Variants in TM4SF19 observed in about 807,000 individuals in gnomAD.
TM4SF19 encodes the protein transmembrane 4 L6 family member 19.
A neutral mutation model predicts 21.8 loss-of-function variants in TM4SF19; 17 were observed. The observed-to-expected ratio is 0.78, with a 90% CI of 0.53 to 1.17. TM4SF19 has a LOEUF of 1.17. Among genes scored for constraint, TM4SF19 ranks in the 50% most tolerant of loss-of-function variants. The pLI, the probability that TM4SF19 is intolerant of heterozygous loss-of-function variation, is 0.00. For missense variants in TM4SF19, 216 were observed against 252.1 expected, an observed-to-expected ratio of 0.86 and a Z score of 0.97; for synonymous variants, 107 against 106.7, an observed-to-expected ratio of 1.00 and a Z score of -0.02.
chr3:196,327,062 G>T (rs2108806634), intron 2 of TM4SF19, 30 bp from the exon 3 acceptor site: 1 of 1,573,942 alleles, frequency 6.4e-7, no homozygotes, highest in Non-Finnish European at 8.7e-7. Context: ...GTTGAGATGG[G>T]GAAATCGACT....
At chr3:196,326,164 G>C (rs555203350) in intron 3 of TM4SF19, among the ~76,000 whole-genome samples, 1 of 151,946 alleles carries the variant, frequency 6.6e-6, no homozygotes, top group African/African-American at 2.4e-5. Flanking sequence ...TGGTAGAGAC[G>C]GGGTTTCACC....
intron 1 of TM4SF19, 71 bp from the exon 2 acceptor site, chr3:196,327,662 A>T (rs1334718955): frequency 3.1e-5 from 41 of 1,329,574 alleles, no homozygotes; most frequent in Non-Finnish European, 4.3e-5. Flanking sequence ...CCAGCAGCAT[A>T]TCATGGGTGA....
At chr3:196,327,120 A>G in intron 2 of TM4SF19, 88 bp from the exon 3 acceptor site, 1 of 1,105,064 alleles carries the variant, frequency 9.0e-7, no homozygotes, top group South Asian at 1.3e-5. Context: ...AGTGGCTGGC[A>G]GCTCACATGA....
At chr3:196,327,232 A>G (rs959179831) in intron 2 of TM4SF19, among the ~76,000 whole-genome samples, 158 bp downstream of exon 2, 4 of 152,204 alleles carry the variant, frequency 2.6e-5, no homozygotes, top group African/African-American at 9.6e-5. Context: ...CCTGGTCCCA[A>G]GCTAGGCTTC....
intron 3 of TM4SF19, among the ~76,000 whole-genome samples, chr3:196,326,271 G>T (rs779532033): frequency 2.2e-4 from 33 of 152,160 alleles, no homozygotes; most frequent in Admixed American, 1.6e-3. Flanking sequence ...CACCGCGCCT[G>T]GCCTATATTT....
At chr3:196,327,861 G>A (rs1256124512) in intron 1 of TM4SF19, among the ~76,000 whole-genome samples, 1 of 152,152 alleles carries the variant, frequency 6.6e-6, no homozygotes, top group East Asian at 1.9e-4. Flanking sequence ...CTCTATTACA[G>A]CCAGTGATTA....
chr3:196,334,459 T>A (rs1036290423), intron 1 of TM4SF19, among the ~76,000 whole-genome samples: 1 of 148,762 alleles, frequency 6.7e-6, no homozygotes, highest in African/African-American at 2.5e-5. Context: ...GATAAATAAT[T>A]TTTTTTTTTC....
rs1294098330 is a variant in TM4SF19 at position 196,325,654 on chromosome 3, TCAGA to T, written c.280-1218_280-1215del. 1.3e-5 allele frequency: 2 copies of T among 152,108 alleles called. No homozygotes were observed. The highest frequency in any genetic ancestry group is 4.1e-4 in the South Asian group (2 of 4,824). 9.4% of individuals were successfully genotyped at this position (152,108 alleles called of 1,614,324 possible). ...AAGCTGGTTTGGAGTTGGGGAGGGA[TCAGA>T]CAAAGGTGCATAGTAAGTTTTGACT... On this transcript the variant is annotated intron_variant, in intron 3 of 4. Coordinates refer to ENST00000273695, the MANE Select transcript of TM4SF19 (RefSeq NM_138461.4). The surrounding 1 kb of genome is among the most constrained non-coding windows in gnomAD (Gnocchi z 4.3).
In TM4SF19 at chr3:196,326,987, C is replaced by T. The variant is rs758053845; in HGVS notation, c.247G>A (p.Gly83Ser). ...ILISLMGWRY[G>S]CFSKSGLCRS... is the part of the protein sequence containing the mutation. ...CAGAGCCCACTCTTACTGAAGCAGC[C>T]GTATCTCCAGCCCATCAAGGAGATG... The change falls in exon 3 of 5, where the codon GGC (glycine) becomes AGC (serine). Residue 83 changes from glycine to serine, a missense_variant. By Grantham distance (56) the Gly-to-Ser change is moderately conservative. Coordinates refer to ENST00000273695, the MANE Select transcript of TM4SF19 (RefSeq NM_138461.4). 8.4e-5 allele frequency: 135 copies of T among 1,611,710 alleles called. 1 individual carries two copies. Among genetic ancestry groups the T allele is most frequent in the South Asian group, 3.8e-4 (35 of 91,030 alleles).
intron 2 of TM4SF19, 34 bp downstream of exon 2, chr3:196,327,356 G>A (rs754034690): frequency 1.9e-6 from 3 of 1,602,424 alleles, no homozygotes; most frequent in Admixed American, 3.3e-5. Context: ...GGGTCTCTTT[G>A]AGAGTTCACG....
At chr3:196,337,689 CCAAGT>C (rs1727826975) in intron 1 of TM4SF19, among the ~76,000 whole-genome samples, 1 of 152,188 alleles carries the variant, frequency 6.6e-6, no homozygotes, top group African/African-American at 2.4e-5. Context: ...CAGGCAGGCG[CCAAGT>C]CAAGGGTCTA....
chr3:196,329,979 C>T (rs1474837023), intron 1 of TM4SF19, among the ~76,000 whole-genome samples: 3 of 144,116 alleles, frequency 2.1e-5, no homozygotes, highest in Non-Finnish European at 4.6e-5. Flanking sequence ...TCAAGCAATT[C>T]TCCTGCCTCA....
In TM4SF19 at chr3:196,323,621, G is replaced by A. The variant is rs1225291269; in HGVS notation, c.*196C>T. 2.9e-6 allele frequency: 3 copies of A among 1,022,932 alleles called. No homozygotes were observed. Among genetic ancestry groups the A allele is most frequent in the Admixed American group, 2.7e-5 (1 of 36,930 alleles). The allele number at this position is 1,022,932 out of a possible 1,614,324, so 63.4% of individuals were successfully genotyped here. A position where few individuals can be genotyped will look rare whatever the true frequency, so the allele number is the denominator to read the frequency against. On this transcript the variant is annotated 3_prime_UTR_variant, in exon 5 of 5. Coordinates refer to ENST00000273695, the MANE Select transcript of TM4SF19 (RefSeq NM_138461.4). ...AACTTAGTTATTTATCCTATCCATG[G>A]ATCACCTGGAAGTTTACAATGTGAT...
rs986977841 is a variant in TM4SF19, at chr3:196,325,506, G to A, written c.280-1066C>T. On this transcript the variant is annotated intron_variant, in intron 3 of 4. Transcript: ENST00000273695. The surrounding 1 kb of genome is among the most constrained non-coding windows in gnomAD (Gnocchi z 4.3). ...TGAGCCACCGTGCCCGGCCCATATT[G>A]GATTCTTTCTTAGGGTTCTAGATTT... The A allele has an allele frequency of 6.6e-6, 1 of 151,776 alleles. No homozygotes were observed. Among genetic ancestry groups the A allele is most frequent in the Non-Finnish European group, 1.5e-5 (1 of 67,948 alleles). The allele number at this position is 151,776 out of a possible 1,614,324, so 9.4% of individuals were successfully genotyped here.
intron 3 of TM4SF19, chr3:196,324,875 C>G (rs2108805013): frequency 6.5e-6 from 1 of 154,590 alleles, no homozygotes; most frequent in South Asian, 2.1e-4. Context: ...AGGTTCCCAA[C>G]TCTGATTCTT....
At position 196,327,596 on chromosome 3, in the gene TM4SF19, A is replaced by G; in HGVS notation, c.-1-5T>C. ...GTGCAGGGAGAGGACACCATCCTGG[A>G]ACAGATAGAAAGGGAGTCGCAGCAG... On this transcript the variant is annotated splice_polypyrimidine_tract_variant and splice_region_variant and intron_variant, in intron 1 of 4. Coordinates refer to ENST00000273695, the MANE Select transcript of TM4SF19 (RefSeq NM_138461.4). 1 of 1,612,810 alleles carries G rather than the reference A, an allele frequency of 6.2e-7. No individual in the cohort carries two copies. Among genetic ancestry groups the G allele is most frequent in the South Asian group, 1.1e-5 (1 of 91,048 alleles).
rs182207269 is a variant in TM4SF19 at position 196,334,276 on chromosome 3, T to C, written c.-2+3988A>G. ...TATCCTATATTTCATCTTCAACATA[T>C]CCTTTTAAAAACAGTTTTACGACTT... is the stretch of plus-strand genomic sequence containing the variant. On this transcript the variant is annotated intron_variant, in intron 1 of 4. Transcript: ENST00000273695. Among the ~76,000 whole-genome samples the C allele has an allele frequency of 1.9e-3, 287 of 152,236 alleles. 3 individuals are homozygous for C. Among genetic ancestry groups the C allele is most frequent in the Admixed American group, 2.9e-3 (44 of 15,280 alleles).
chr3:196,337,463 C>G (rs556184858), intron 1 of TM4SF19, among the ~76,000 whole-genome samples: 89 of 152,214 alleles, frequency 5.8e-4, no homozygotes, highest in African/African-American at 2.1e-3. Context: ...TAGAAAATAC[C>G]TGAACTTGGT....
intron 1 of TM4SF19, among the ~76,000 whole-genome samples, chr3:196,332,848 A>ATT (rs544134464): frequency 0.26 from 31,294 of 120,672 alleles, 4,931 homozygotes; most frequent in East Asian, 0.71. Context: ...TCAACTTACA[A>ATT]TTTTTTTTTT....
Sources: gnomAD v4.1 joint callset for allele counts (sites outside exome capture counted in the v4.1 genomes callset) on GRCh38, gnomAD v4.1.1 for gene constraint, Gnocchi (gnomAD v3.1) non-coding constraint, MANE v1.5 for transcripts, NCBI Gene and HGNC (gene_info 2026-07-23, HGNC 2026-07-21) for gene names.